DLG2: variants seen among roughly 807,000 people sequenced by gnomAD.
DLG2 encodes discs large MAGUK scaffold protein 2, also known as disks large homolog 2.
In DLG2, 45 loss-of-function variants were observed where a neutral mutation model predicts 132.5. The ratio of observed to expected loss-of-function variants is 0.34; its 90% CI spans 0.27 to 0.44. The LOEUF (loss-of-function observed/expected upper bound fraction) is 0.44. DLG2 is among the 20% of genes least tolerant of loss of function. The probability of loss-of-function intolerance (pLI) is 1.00; values close to 1 mark genes in which losing one functional copy is unlikely to be tolerated. For synonymous variants in DLG2, 424 were observed against 419.6 expected (o/e 1.01, Z -0.13); for missense variants, 1,045 against 1,196.9 (o/e 0.87, Z 1.87).
intron 8 of DLG2, among the ~76,000 whole-genome samples, chr11:84,190,977 C>T (rs186307692): frequency 6.6e-5 from 10 of 152,218 alleles, no homozygotes; most frequent in Admixed American, 2.0e-4. Flanking sequence ...ATGTACTGAC[C>T]AAACTTTGAT....
intron 16 of DLG2, among the ~76,000 whole-genome samples, chr11:83,849,979 T>G (rs1272398689): frequency 2.0e-5 from 3 of 152,044 alleles, no homozygotes; most frequent in Non-Finnish European, 4.4e-5. Context: ...GTAAATACAC[T>G]TCTGGTGCTG....
At chr11:85,377,170 AT>A (rs2085475036) in intron 3 of DLG2, among the ~76,000 whole-genome samples, 1 of 152,212 alleles carries the variant, frequency 6.6e-6, no homozygotes, top group Non-Finnish European at 1.5e-5. Context: ...AAAAAGTGAG[AT>A]TGCATACTCT....
intron 7 of DLG2, among the ~76,000 whole-genome samples, chr11:84,529,205 T>A (rs1016793378): frequency 6.6e-6 from 1 of 152,152 alleles, no homozygotes; most frequent in African/African-American, 2.4e-5. Context: ...TGGACAAAAG[T>A]TGGAAGCATT....
At position 84,572,807 on chromosome 11, in the gene DLG2, C is replaced by G. The variant is rs532751525; in HGVS notation, c.358-38076G>C. Among the ~76,000 whole-genome samples the G allele has an allele frequency of 3.3e-5, 5 of 152,198 alleles. No homozygotes were observed. In the East Asian group the frequency reaches 7.7e-4, roughly 24 times the overall value. ...GCTTTGTAAAAATAAATTCCCCAAT[C>G]TCAGTGTTCCATCACTGTCATGCAA... On this transcript the variant is annotated intron_variant, in intron 6 of 27. Transcript: ENST00000376104.
chr11:84,757,415 A>AACAC (rs374611438), intron 6 of DLG2, among the ~76,000 whole-genome samples: 1 of 151,898 alleles, frequency 6.6e-6, no homozygotes, highest in African/African-American at 2.4e-5. Flanking sequence ...TGTAAATTTA[A>AACAC]ACACACACAC....
chr11:83,572,689 T>G (rs954970432), intron 19 of DLG2, among the ~76,000 whole-genome samples: 5 of 152,150 alleles, frequency 3.3e-5, no homozygotes, highest in Non-Finnish European at 7.4e-5. Flanking sequence ...CCATGCATAA[T>G]GGCCAGCTAT....
chr11:85,516,140 TAAG>T (rs1382394732), intron 3 of DLG2, among the ~76,000 whole-genome samples: 2 of 152,124 alleles, frequency 1.3e-5, no homozygotes, highest in South Asian at 2.1e-4. Context: ...AAATCAATTC[TAAG>T]AAGAACTCTC....
chr11:84,012,443 C>A (rs988849303), intron 11 of DLG2, among the ~76,000 whole-genome samples: 1 of 152,138 alleles, frequency 6.6e-6, no homozygotes, highest in Non-Finnish European at 1.5e-5. Context: ...CTGACCTTGA[C>A]CACTGTTGGG....
intron 10 of DLG2, among the ~76,000 whole-genome samples, chr11:84,079,062 TGATA>T (rs1419718623): frequency 1.8e-4 from 27 of 152,174 alleles, no homozygotes. Context: ...ACTCAGCACC[TGATA>T]TGGGGCCCAG....
At chr11:83,921,400 A>AT (rs776024331) in intron 15 of DLG2, among the ~76,000 whole-genome samples, 1 of 152,140 alleles carries the variant, frequency 6.6e-6, no homozygotes, top group Non-Finnish European at 1.5e-5. Flanking sequence ...ATCTCATCTC[A>AT]TTGTTTCCAT....
In DLG2 at chr11:83,943,806, C is replaced by T. The variant is rs147928368; in HGVS notation, c.1341-13323G>A. ...GAGGCTATGAACATGGTGGAAAGAG[C>T]GCAAGCTTTTGGGCTAGAAGATCTG... On this transcript the variant is annotated intron_variant, in intron 14 of 27. Coordinates refer to ENST00000376104, the MANE Select transcript of DLG2 (RefSeq NM_001142699.3). Among the ~76,000 whole-genome samples the T allele has an allele frequency of 7.4e-3, 1,123 of 152,268 alleles. 6 individuals carry two copies. The highest frequency in any genetic ancestry group is 0.048 in the Middle Eastern group (14 of 294).
chr11:84,209,069 C>A (rs1197247629), intron 8 of DLG2, among the ~76,000 whole-genome samples: 7 of 152,126 alleles, frequency 4.6e-5, no homozygotes, highest in Admixed American at 6.5e-5. Context: ...AGATTTGTCC[C>A]TTGAGAGAAT....
chr11:83,824,745 T>C (rs1423846875), intron 17 of DLG2, among the ~76,000 whole-genome samples: 1 of 152,154 alleles, frequency 6.6e-6, no homozygotes, highest in African/African-American at 2.4e-5. Flanking sequence ...GAAGTACCAC[T>C]GCGAGAAAAG....
chr11:84,417,977 TATAA>T (rs1333614024), intron 7 of DLG2, among the ~76,000 whole-genome samples: 1 of 152,190 alleles, frequency 6.6e-6, no homozygotes, highest in African/African-American at 2.4e-5. Context: ...TTACATGTAA[TATAA>T]ATAAATTCCT....
intron 3 of DLG2, among the ~76,000 whole-genome samples, chr11:85,477,921 G>T (rs2093189674): frequency 1.3e-5 from 2 of 152,024 alleles, no homozygotes; most frequent in African/African-American, 4.8e-5. Context: ...AAGGTTCTTA[G>T]CACACATTAA....
At chr11:83,539,719 A>G (rs528752012) in intron 20 of DLG2, among the ~76,000 whole-genome samples, 11 of 152,160 alleles carry the variant, frequency 7.2e-5, no homozygotes, top group Non-Finnish European at 1.5e-4. Flanking sequence ...GTAAATAAAT[A>G]TCAACCTTGC....
At chr11:84,704,929 A>T (rs1209502372) in intron 6 of DLG2, among the ~76,000 whole-genome samples, 2 of 148,602 alleles carry the variant, frequency 1.3e-5, no homozygotes, top group East Asian at 3.9e-4. Flanking sequence ...GTATATACAC[A>T]TATATATTAT....
At chr11:85,073,809 A>T (rs1287214664) in intron 6 of DLG2, among the ~76,000 whole-genome samples, 7 of 151,896 alleles carry the variant, frequency 4.6e-5, no homozygotes, top group African/African-American at 1.7e-4. Flanking sequence ...GAATATGTTT[A>T]CTGCAGCATT....
intron 6 of DLG2, among the ~76,000 whole-genome samples, chr11:84,736,631 A>C (rs902729634): frequency 1.3e-5 from 2 of 151,868 alleles, no homozygotes; most frequent in Non-Finnish European, 2.9e-5. Flanking sequence ...TTTATTCCTA[A>C]GTATTTCATA....
Sources: gnomAD v4.1 joint callset for allele counts (sites outside exome capture counted in the v4.1 genomes callset) on GRCh38, gnomAD v4.1.1 for gene constraint, MANE v1.5 for transcripts, NCBI Gene and HGNC (gene_info 2026-07-23, HGNC 2026-07-21) for gene names.